RTTN: variants seen among roughly 807,000 people sequenced by gnomAD.
RTTN encodes rotatin.
Under a neutral mutation model 269.2 loss-of-function variants are expected in RTTN, and 182 were observed. That is an observed-to-expected ratio of 0.68 (90% confidence interval 0.60 to 0.76). The LOEUF is 0.76. Among genes scored for constraint, RTTN ranks in the 30% least tolerant of loss-of-function variants. The pLI, the probability that RTTN is intolerant of heterozygous loss-of-function variation, is 0.00. For missense variants in RTTN, 2,545 were observed against 2,608.6 expected (o/e 0.98, Z 0.53); for synonymous variants, 1,006 against 963.5 (o/e 1.04, Z -0.82).
chr18:70,100,019 C>T (rs542411032), intron 28 of RTTN, among the ~76,000 whole-genome samples: 4 of 152,328 alleles, frequency 2.6e-5, no homozygotes, highest in Non-Finnish European at 5.9e-5. Flanking sequence ...TAGCGTGATG[C>T]CTCCAGCTTT....
chr18:70,121,520 C>T lies in RTTN; in HGVS notation c.3528+36G>A, dbSNP rs200806099. 6.1e-5 allele frequency: 91 copies of T among 1,482,786 alleles called. No homozygotes were observed. The East Asian group carries it at 2.1e-3, about 35-fold the overall frequency. 91.9% of individuals were successfully genotyped at this position (1,482,786 alleles called of 1,614,324 possible). ...ATGATTTCTACAAATAAGTTATTTC[C>T]CAAACTTAAAATCCAAATTCCTTAA... On this transcript the variant is annotated intron_variant, in intron 26 of 48. Coordinates refer to ENST00000640769, the MANE Select transcript of RTTN (RefSeq NM_173630.4).
At chr18:70,124,163 G>C (rs759294687) in intron 25 of RTTN, among the ~76,000 whole-genome samples, 7 of 151,920 alleles carry the variant, frequency 4.6e-5, no homozygotes, top group Admixed American at 2.0e-4. Context: ...CACATGTGAA[G>C]ACATTATTTA....
intron 34 of RTTN, among the ~76,000 whole-genome samples, chr18:70,071,770 A>T (rs988761356): frequency 1.4e-4 from 22 of 152,194 alleles, no homozygotes; most frequent in African/African-American, 5.3e-4. Context: ...CTTGGCATTA[A>T]CAGCACAAAA....
intron 34 of RTTN, among the ~76,000 whole-genome samples, chr18:70,068,868 T>A (rs1442083342): frequency 6.6e-6 from 1 of 152,116 alleles, no homozygotes; most frequent in Non-Finnish European, 1.5e-5. Flanking sequence ...GACAAAAAAA[T>A]CTGAATTTGA....
Position 70,028,816 on chromosome 18 carries a change from A to C in RTTN, c.5746-15T>G, listed in dbSNP as rs778740544. The C allele has an allele frequency of 1.9e-6, 3 of 1,590,210 alleles. No homozygotes were observed. The South Asian group carries it at 3.3e-5, about 18-fold the overall frequency. ...ACACCATCCTCCTATTTAAACAAAA[A>C]GCAGTTGAAAACTGTGAATGCAACA... is the stretch of plus-strand genomic sequence containing the variant. On this transcript the variant is annotated splice_polypyrimidine_tract_variant and intron_variant, in intron 42 of 48. Transcript: ENST00000640769.
At chr18:70,097,051 T>C (rs1276339513) in intron 28 of RTTN, among the ~76,000 whole-genome samples, 1 of 152,250 alleles carries the variant, frequency 6.6e-6, no homozygotes, top group Non-Finnish European at 1.5e-5. Flanking sequence ...TTCTAGCTTA[T>C]AAATGACAAG....
At chr18:70,128,594 G>C in intron 23 of RTTN, 48 bp from the exon 24 acceptor site, 1 of 1,524,752 alleles carries the variant, frequency 6.6e-7, no homozygotes, top group South Asian at 1.2e-5. Context: ...ATTCTTAAAT[G>C]CTACTCAAAA....
At chr18:70,167,280 A>G (rs1416916203) in intron 12 of RTTN, among the ~76,000 whole-genome samples, 1 of 152,200 alleles carries the variant, frequency 6.6e-6, no homozygotes, top group East Asian at 1.9e-4. Context: ...TAAAGTTACA[A>G]TCAAGTTGCC....
chr18:70,023,094 A>G (rs889196297), intron 44 of RTTN, among the ~76,000 whole-genome samples: 1 of 152,150 alleles, frequency 6.6e-6, no homozygotes, highest in African/African-American at 2.4e-5. Flanking sequence ...ATAAGAGACT[A>G]TAACTTCTGC....
At chr18:70,024,890 T>C (rs771559546) in intron 43 of RTTN, 42 bp from the exon 44 acceptor site, 1 of 1,592,714 alleles carries the variant, frequency 6.3e-7, no homozygotes, top group South Asian at 1.1e-5. Flanking sequence ...TCTGAATATA[T>C]GAAAATATAA....
At chr18:70,095,052 T>C (rs1294050080) in intron 28 of RTTN, among the ~76,000 whole-genome samples, 3 of 99,616 alleles carry the variant, frequency 3.0e-5, no homozygotes, top group South Asian at 5.3e-4. Flanking sequence ...TTTATCATTA[T>C]GTAATGCCTT....
chr18:70,123,635 T>C (rs1419042957), intron 25 of RTTN, among the ~76,000 whole-genome samples: 1 of 152,132 alleles, frequency 6.6e-6, no homozygotes, highest in Non-Finnish European at 1.5e-5. Flanking sequence ...TCCCATAGAC[T>C]TTTAACATCC....
chr18:70,108,286 A>AAAGTC (rs1174977034), intron 28 of RTTN, among the ~76,000 whole-genome samples: 3 of 152,200 alleles, frequency 2.0e-5, no homozygotes, highest in Non-Finnish European at 4.4e-5. Flanking sequence ...CAAAAAAAAA[A>AAAGTC]AAAGTCATTT....
intron 14 of RTTN, among the ~76,000 whole-genome samples, chr18:70,162,366 G>C (rs114102235): frequency 6.6e-6 from 1 of 152,146 alleles, no homozygotes; most frequent in African/African-American, 2.4e-5. Flanking sequence ...CACAAGGGAA[G>C]GTGGGAAGAG....
chr18:70,037,303 G>C (rs1180766974), intron 40 of RTTN, among the ~76,000 whole-genome samples: 1 of 152,196 alleles, frequency 6.6e-6, no homozygotes, highest in Non-Finnish European at 1.5e-5. Flanking sequence ...GGCAGCTAAG[G>C]GAGGCCTTAC....
intron 17 of RTTN, among the ~76,000 whole-genome samples, 179 bp downstream of exon 17, chr18:70,148,722 G>C (rs980187381): frequency 6.6e-6 from 1 of 152,200 alleles, no homozygotes; most frequent in Non-Finnish European, 1.5e-5. Context: ...TGGATGAAAC[G>C]TCAGCAAGTA....
chr18:70,121,736 C>G, intron 25 of RTTN, 36 bp from the exon 26 acceptor site: 1 of 1,505,198 alleles, frequency 6.6e-7, no homozygotes, highest in Non-Finnish European at 8.8e-7. Flanking sequence ...GTTTCTGGCG[C>G]TTTAAAATAC....
intron 11 of RTTN, 121 bp downstream of exon 11, chr18:70,176,554 A>G: frequency 3.7e-6 from 3 of 813,268 alleles, no homozygotes; most frequent in Non-Finnish European, 5.2e-6. Flanking sequence ...TGTTACACTT[A>G]TTTTGAAAAT....
At chr18:70,183,640 T>C (rs1397075288) in intron 10 of RTTN, among the ~76,000 whole-genome samples, 1 of 152,164 alleles carries the variant, frequency 6.6e-6, no homozygotes, top group African/African-American at 2.4e-5. Flanking sequence ...TTCTTTGTTG[T>C]GGTGAGCTGT....
Sources: gnomAD v4.1 joint callset for allele counts (sites outside exome capture counted in the v4.1 genomes callset) on GRCh38, gnomAD v4.1.1 for gene constraint, MANE v1.5 for transcripts, NCBI Gene and HGNC (gene_info 2026-07-23, HGNC 2026-07-21) for gene names.